TENM1: variants seen among roughly 807,000 people sequenced by gnomAD.
TENM1 encodes teneurin transmembrane protein 1.
Under a neutral mutation model 174.8 loss-of-function variants are expected in TENM1, and 35 were observed. The ratio of observed to expected loss-of-function variants is 0.20; its 90% confidence interval spans 0.15 to 0.27. The LOEUF (loss-of-function observed/expected upper bound fraction) is 0.27, where lower values mean the gene tolerates loss of function less well. Among genes scored for constraint, TENM1 ranks in the 10% least tolerant of loss-of-function variants. TENM1 has a pLI of 1.00. For missense variants in TENM1, 1,633 were observed against 2,130.1 expected (o/e 0.77, Z 4.59); for synonymous variants, 781 against 798.7 (o/e 0.98, Z 0.37).
At chrX:124,989,150 T>C in the TENM1 span, among the ~76,000 whole-genome samples, 6 of 111,665 alleles carry the variant, frequency 5.4e-5, no homozygotes, top group Non-Finnish European at 1.1e-4. Context: ...ACTATTTATA[T>C]AGAGAATCCT....
At chrX:124,833,471 T>C (rs2056331155) in intron 3 of TENM1, among the ~76,000 whole-genome samples, 1 of 111,768 alleles carries the variant, frequency 8.9e-6, no homozygotes, top group African/African-American at 3.3e-5. Context: ...TCATATTTTA[T>C]TACATTACTT....
rs776528376 is a variant in TENM1 at position 124,573,634 on chromosome X, C to T, written c.2078-8074G>A. Among the ~76,000 whole-genome samples, 3 of 111,920 alleles carry T rather than the reference C, an allele frequency of 2.7e-5. No individual in the cohort carries two copies. In the South Asian group the frequency reaches 1.1e-3, roughly 42 times the overall value. The stretch of plus-strand genomic sequence containing the variant: ...ACAGATACAAACCACAACCACGAGT[C>T]GGATAGGATTCAGCACAGTAAGAAT... On this transcript the variant is annotated intron_variant, in intron 11 of 31. Transcript: ENST00000422452.
intron 14 of TENM1, 46 bp from the exon 18 acceptor site, chrX:124,547,136 G>A (rs766380430): frequency 2.0e-6 from 2 of 1,009,978 alleles, no homozygotes; most frequent in African/African-American, 1.9e-5. Flanking sequence ...AGCTTCAAGA[G>A]AAAAATATAG....
chrX:124,384,398 C>A, exon 30 of TENM1: 1 of 1,211,036 alleles, frequency 8.3e-7, no homozygotes. Context: ...GTAACTATAA[C>A]GCCACTGGGT....
chrX:124,919,898 G>A (rs2057992550), intron 1 of TENM1, among the ~76,000 whole-genome samples: 1 of 110,818 alleles, frequency 9.0e-6, no homozygotes, highest in South Asian at 3.8e-4. Context: ...CTCTATAAAT[G>A]TAGCAATTGT....
intron 1 of TENM1, among the ~76,000 whole-genome samples, chrX:124,918,694 T>C (rs756849938): frequency 8.9e-6 from 1 of 111,850 alleles, no homozygotes; most frequent in Admixed American, 9.5e-5. Context: ...AGAAAGTGCC[T>C]ACTTTGTGCC....
chrX:125,106,652 A>G, the TENM1 span, among the ~76,000 whole-genome samples: 3 of 111,262 alleles, frequency 2.7e-5, no homozygotes, highest in Non-Finnish European at 5.7e-5. Flanking sequence ...CTCGTGATCC[A>G]CCCACCTCAG....
At chrX:125,066,647 ACT>A in the TENM1 span, among the ~76,000 whole-genome samples, 1 of 111,804 alleles carries the variant, frequency 8.9e-6, no homozygotes, top group Admixed American at 9.5e-5. Context: ...TTCTATTGAC[ACT>A]GTGTTAATTT....
At position 124,475,056 on chromosome X, in the gene TENM1, T is replaced by G. The variant is rs766048264; in HGVS notation, c.3949+6676A>C. 2.7e-5 allele frequency among the ~76,000 whole-genome samples: 3 copies of G among 111,597 alleles called. No homozygotes were observed. In the East Asian group the frequency reaches 8.5e-4, roughly 32 times the overall value. ...ATGTCTTGAAACTGGGCTAGGAATT[T>G]GGCCATGGGTGGTAGAATGCTGTCT... On this transcript the variant is annotated intron_variant, in intron 22 of 31. Transcript: ENST00000422452.
chrX:124,604,171 C>T (rs1038403380), intron 11 of TENM1, among the ~76,000 whole-genome samples: 10 of 111,130 alleles, frequency 9.0e-5, no homozygotes, highest in Non-Finnish European at 1.1e-4. Context: ...TTAGTAGTTG[C>T]TCCTCAAAAA....
At chrX:125,091,505 G>T in the TENM1 span, among the ~76,000 whole-genome samples, 1 of 111,778 alleles carries the variant, frequency 8.9e-6, no homozygotes, top group East Asian at 2.8e-4. Context: ...GGTTGAGTGT[G>T]TTAAGCAAAT....
At position 124,609,764 on chromosome X, in the gene TENM1, GA is replaced by G. The variant is rs903863303; in HGVS notation, c.2077+32026del. Reference sequence around the variant, plus strand: ...GAAGAAATAATTCAGCTAGAGTACAGAAAAAAGCACCATTGTCCCTAAATAT... The same window carrying G: ...GAAGAAATAATTCAGCTAGAGTACAGAAAAAGCACCATTGTCCCTAAATAT... On this transcript the variant is annotated intron_variant, in intron 11 of 31. Coordinates refer to ENST00000422452, the Ensembl canonical transcript of TENM1. 1.4e-3 allele frequency among the ~76,000 whole-genome samples: 154 copies of G among 111,488 alleles called. 1 individual carries two copies. Among genetic ancestry groups the G allele is most frequent in the African/African-American group, 4.6e-3 (141 of 30,790 alleles).
intron 30 of TENM1, among the ~76,000 whole-genome samples, chrX:124,383,232 A>G (rs2060180232): frequency 9.0e-6 from 1 of 111,046 alleles, no homozygotes; most frequent in Admixed American, 9.6e-5. Flanking sequence ...GGTGTGAGCC[A>G]CCGCACCCAG....
intron 31 of TENM1, 145 bp downstream of exon 34, chrX:124,382,525 A>G: frequency 7.7e-5 from 32 of 414,826 alleles, no homozygotes; most frequent in Middle Eastern, 6.5e-4. Context: ...AGCTTTTTTT[A>G]TACCTTCTCA....
chrX:124,676,259 T>A (rs1306553156), intron 5 of TENM1, among the ~76,000 whole-genome samples: 5 of 364 alleles, frequency 0.014, no homozygotes, highest in African/African-American at 0.11. Flanking sequence ...ATATATAAAA[T>A]ATATATATAT....
intron 3 of TENM1, among the ~76,000 whole-genome samples, chrX:124,761,200 C>T (rs2054403426): frequency 9.0e-6 from 1 of 110,935 alleles, no homozygotes; most frequent in Non-Finnish European, 1.9e-5. Flanking sequence ...TGGGTATATA[C>T]CCAAAGGATT....
chrX:124,376,618 G>A (rs1317639580), exon 32 of TENM1: 1 of 112,224 alleles, frequency 8.9e-6, no homozygotes, highest in Non-Finnish European at 1.9e-5. Flanking sequence ...CTTATGAACA[G>A]TAGTATATTT....
chrX:124,958,614 A>G (rs1331248063), intron 1 of TENM1, among the ~76,000 whole-genome samples: 8 of 111,387 alleles, frequency 7.2e-5, no homozygotes, highest in Non-Finnish European at 1.1e-4. Flanking sequence ...TATGGAAGAC[A>G]GTGTGGTATA....
At chrX:124,801,628 A>G (rs985465153) in intron 3 of TENM1, among the ~76,000 whole-genome samples, 1 of 111,945 alleles carries the variant, frequency 8.9e-6, no homozygotes, top group Admixed American at 9.4e-5. Flanking sequence ...TTCTGTCATC[A>G]TGATGCTTTC....
Sources: gnomAD v4.1 joint callset for allele counts (sites outside exome capture counted in the v4.1 genomes callset) on GRCh38, gnomAD v4.1.1 for gene constraint, MANE v1.5 for transcripts, NCBI Gene and HGNC (gene_info 2026-07-23, HGNC 2026-07-21) for gene names.